The following ECI2 variants were observed in gnomAD, a reference collection of about 807,000 sequenced individuals.
The protein encoded by ECI2 is D3,D2-enoyl-CoA isomerase.
Under a neutral mutation model 38.4 loss-of-function variants are expected in ECI2, and 27 were observed. The ratio of observed to expected loss-of-function variants is 0.70; its 90% CI spans 0.52 to 0.97. The LOEUF is 0.97. Ranked by LOEUF, ECI2 falls within the 50% of genes least tolerant of loss-of-function variation. The pLI is 0.00. For synonymous variants in ECI2, 168 were observed against 172.0 expected, an observed-to-expected ratio of 0.98 and a Z score of 0.18; for missense variants, 470 against 474.4, an observed-to-expected ratio of 0.99 and a Z score of 0.09.
chr6:4,116,152 A>C (rs982983667), intron 9 of ECI2, 123 bp from the exon 10 acceptor site: 21 of 1,041,954 alleles, frequency 2.0e-5, no homozygotes, highest in Non-Finnish European at 2.7e-5. Flanking sequence ...GGAGTTCAAG[A>C]CCAGCCTGGC....
intron 2 of ECI2, among the ~76,000 whole-genome samples, chr6:4,132,628 T>C (rs2113027584): frequency 6.6e-6 from 1 of 152,234 alleles, no homozygotes; most frequent in Middle Eastern, 3.4e-3. Flanking sequence ...GCATTGAAAC[T>C]TAAGAGCTTT....
At chr6:4,132,521 T>C (rs1426759986) in intron 2 of ECI2, among the ~76,000 whole-genome samples, 1 of 152,010 alleles carries the variant, frequency 6.6e-6, no homozygotes, top group Non-Finnish European at 1.5e-5. Flanking sequence ...TTTTTTACTA[T>C]ACACACCCAT....
chr6:4,135,481 T>A, intron 1 of ECI2, 30 bp downstream of exon 1: 1 of 1,578,932 alleles, frequency 6.3e-7, no homozygotes, highest in Non-Finnish European at 8.6e-7. Flanking sequence ...CGGGCGACCA[T>A]GGGCCGAACG....
At chr6:4,123,686 G>A (rs960115631) in intron 7 of ECI2, among the ~76,000 whole-genome samples, 1 of 151,822 alleles carries the variant, frequency 6.6e-6, no homozygotes, top group Non-Finnish European at 1.5e-5. Flanking sequence ...GTTGATGCAG[G>A]CCAGGCTCAG....
intron 5 of ECI2, 63 bp from the exon 6 acceptor site, chr6:4,126,300 G>A (rs538328737): frequency 4.3e-6 from 6 of 1,390,548 alleles, no homozygotes; most frequent in South Asian, 2.5e-5. Flanking sequence ...AGTATCTACT[G>A]CATGCCAAAC....
chr6:4,129,112 C>CCCTTCCTT (rs111367400), intron 4 of ECI2, among the ~76,000 whole-genome samples: 2 of 147,260 alleles, frequency 1.4e-5, no homozygotes, highest in African/African-American at 4.9e-5. Flanking sequence ...CTCCCTTCCT[C>CCCTTCCTT]CCTTCCTTCC....
chr6:4,132,158 T>C (rs1393386461), intron 2 of ECI2, among the ~76,000 whole-genome samples: 2 of 152,198 alleles, frequency 1.3e-5, no homozygotes, highest in Non-Finnish European at 2.9e-5. Context: ...AGGGAAAGGA[T>C]AGAGATTAGA....
intron 6 of ECI2, chr6:4,125,852 C>T: frequency 1.9e-6 from 1 of 521,938 alleles, no homozygotes; most frequent in Middle Eastern, 2.9e-4. Flanking sequence ...TTGCTAAATT[C>T]CTCTGCCTCA....
At chr6:4,117,676 T>A in intron 8 of ECI2, 1 of 448,870 alleles carries the variant, frequency 2.2e-6, no homozygotes, top group Admixed American at 4.0e-5. Flanking sequence ...CTGTGTATCG[T>A]TGTTGGAGGG....
At chr6:4,126,056 G>T in intron 6 of ECI2, 79 bp downstream of exon 6, 2 of 1,110,740 alleles carry the variant, frequency 1.8e-6, no homozygotes, top group African/African-American at 1.5e-5. Context: ...AGCAGATATT[G>T]CACTTTTGCT....
At chr6:4,133,498 G>A in intron 2 of ECI2, 51 bp downstream of exon 2, 2 of 1,553,994 alleles carry the variant, frequency 1.3e-6, no homozygotes, top group South Asian at 2.5e-5. Flanking sequence ...ATTTATTTAA[G>A]AAGTCATTTG....
intron 4 of ECI2, among the ~76,000 whole-genome samples, chr6:4,129,973 A>G (rs570602938): frequency 1.3e-5 from 2 of 152,152 alleles, no homozygotes; most frequent in Non-Finnish European, 2.9e-5. Context: ...TTCTCCCTAT[A>G]CTTATAAAAA....
At chr6:4,122,644 T>C (rs1772879269) in intron 7 of ECI2, among the ~76,000 whole-genome samples, 2 of 151,442 alleles carry the variant, frequency 1.3e-5, no homozygotes, top group Admixed American at 1.3e-4. Flanking sequence ...TACAGGCGCC[T>C]GCCACCACAC....
chr6:4,123,617 G>A lies in ECI2; in HGVS notation c.795+1633C>T, dbSNP rs78216271. On this transcript the variant is annotated intron_variant, in intron 7 of 9. Transcript: ENST00000380118. The stretch of plus-strand genomic sequence containing the variant: ...TATGTATTATGTATATATGTTTTCT[G>A]ATTTCAACATTTATTACAATTTATA... 4.4e-3 allele frequency among the ~76,000 whole-genome samples: 666 copies of A among 151,204 alleles called. 4 individuals carry two copies. Among genetic ancestry groups the A allele is most frequent in the African/African-American group, 0.015 (621 of 41,300 alleles).
At chr6:4,130,325 G>A in intron 4 of ECI2, 47 bp downstream of exon 4, 1 of 1,613,948 alleles carries the variant, frequency 6.2e-7, no homozygotes, top group African/African-American at 1.3e-5. Flanking sequence ...GAAACACATA[G>A]AAGAAGAAAG....
intron 7 of ECI2, 42 bp from the exon 8 acceptor site, chr6:4,119,317 TGA>T: frequency 1.4e-6 from 2 of 1,444,144 alleles, no homozygotes; most frequent in Non-Finnish European, 1.9e-6. Context: ...TTTTCATGTG[TGA>T]TTTTTTTTTT....
chr6:4,134,557 G>A (rs1489735076), intron 1 of ECI2, among the ~76,000 whole-genome samples: 2 of 152,124 alleles, frequency 1.3e-5, no homozygotes, highest in African/African-American at 4.8e-5. Context: ...CAAAAAAGAT[G>A]ATTAAAATAA....
Position 4,135,541 on chromosome 6 carries a change from G to C in ECI2, c.20C>G (p.Ala7Gly), listed in dbSNP as rs747235700. The change falls in exon 1 of 10, where the codon GCT becomes GGT. Residue 7 changes from alanine (A) to glycine (G), a missense_variant. Coordinates refer to ENST00000380118, the MANE Select transcript of ECI2 (RefSeq NM_206836.3). MAMAYL[A>G]WRLARRSCPS... ...ACACGAACGCCGCGCCAGTCTCCAA[G>C]CCAAGTACGCCATCGCCATCCCTTG... The C allele has an allele frequency of 6.8e-7, 1 of 1,473,780 alleles. No homozygotes were observed. The highest frequency in any genetic ancestry group is 1.8e-5 in the Admixed American group (1 of 55,010). The allele number at this position is 1,473,780 out of a possible 1,614,324, so 91.3% of individuals were successfully genotyped here.
rs1371220051 is a variant in ECI2, at chr6:4,115,954, T to G, written c.1105A>C (p.Asn369His). ...GATAGCCATCTTCCCTGAAGGACATTGCATTCTTCAGCATTAACAGCGTGT... is the reference window on the plus strand; with the variant it reads ...GATAGCCATCTTCCCTGAAGGACATGGCATTCTTCAGCATTAACAGCGTGT... ...KLHAVNAEECNVLQGRWLSDE... is the reference protein window; with the variant it reads ...KLHAVNAEECHVLQGRWLSDE... The change falls in exon 10 of 10, where the codon AAT becomes CAT. Residue 369 changes from asparagine (N) to histidine (H), a missense_variant. By Grantham distance (68) the Asn-to-His change is moderately conservative. Transcript: ENST00000380118. 6.2e-7 allele frequency: 1 copy of G among 1,614,166 alleles called. No individual in the cohort carries two copies. Among genetic ancestry groups the G allele is most frequent in the Non-Finnish European group, 8.5e-7 (1 of 1,180,000 alleles).
Sources: gnomAD v4.1 joint callset for allele counts (sites outside exome capture counted in the v4.1 genomes callset) on GRCh38, gnomAD v4.1.1 for gene constraint, MANE v1.5 for transcripts, NCBI Gene and HGNC (gene_info 2026-07-23, HGNC 2026-07-21) for gene names.